Variants in KIAA0513 observed in about 807,000 individuals in gnomAD.
KIAA0513 encodes KIAA0513.
KIAA0513 carries 39 observed loss-of-function variants against 56.5 expected under a neutral mutation model. The observed-to-expected ratio is 0.69, with a 90% confidence interval of 0.53 to 0.90. The LOEUF is 0.90. Among genes scored for constraint, KIAA0513 ranks in the 40% least tolerant of loss-of-function variants. KIAA0513 has a pLI of 0.00. For synonymous variants in KIAA0513, 268 were observed against 215.6 expected (o/e 1.24, Z -2.13); for missense variants, 591 against 535.2 (o/e 1.10, Z -1.03).
rs1209592489 is a variant in KIAA0513 at position 85,088,862 on chromosome 16, G to A, written c.*537G>A. On this transcript the variant is annotated 3_prime_UTR_variant, in exon 13 of 13. Transcript: ENST00000683363. ...CCTCACTATTCCCCAGTCTCCCGCT[G>A]TGGGGCAGGAACAGGAAGTGACGGG... 1 of 153,790 alleles carries A rather than the reference G, an allele frequency of 6.5e-6. No homozygotes were observed. The highest frequency in any genetic ancestry group is 1.4e-5 in the Non-Finnish European group (1 of 69,060). The allele number at this position is 153,790 out of a possible 1,614,324, so 9.5% of individuals were successfully genotyped here.
intron 1 of KIAA0513, among the ~76,000 whole-genome samples, chr16:85,062,209 TA>T (rs1057197361): frequency 1.8e-4 from 24 of 131,676 alleles, no homozygotes; most frequent in African/African-American, 7.7e-4. Flanking sequence ...GGTACGTACG[TA>T]AACACACACA....
chr16:85,030,545 G>A (rs558919226), intron 1 of KIAA0513, among the ~76,000 whole-genome samples: 5 of 152,146 alleles, frequency 3.3e-5, no homozygotes, highest in Admixed American at 6.6e-5. Context: ...TCAGGAGTTC[G>A]AGACCAGCTT....
At chr16:85,071,653 A>G in intron 2 of KIAA0513, 130 bp from the exon 3 acceptor site, 1 of 705,028 alleles carries the variant, frequency 1.4e-6, no homozygotes, top group East Asian at 2.7e-5. Context: ...AGATGAGCTG[A>G]TGGGAGTTGG....
At chr16:85,037,103 C>T (rs757361434) in intron 1 of KIAA0513, among the ~76,000 whole-genome samples, 2 of 152,030 alleles carry the variant, frequency 1.3e-5, no homozygotes, top group Non-Finnish European at 2.9e-5. Flanking sequence ...TTTTTCTCTT[C>T]ATGACTAAGT....
At chr16:85,082,930 G>T (rs1295748642) in intron 10 of KIAA0513, among the ~76,000 whole-genome samples, 2 of 152,266 alleles carry the variant, frequency 1.3e-5, no homozygotes, top group African/African-American at 4.8e-5. Flanking sequence ...CTCCAGTTCT[G>T]AGCCAGCCGT....
At chr16:85,047,250 C>A (rs540475865) in intron 1 of KIAA0513, among the ~76,000 whole-genome samples, 2 of 152,334 alleles carry the variant, frequency 1.3e-5, no homozygotes, top group Admixed American at 1.3e-4. Flanking sequence ...ACCTTCAGTG[C>A]TCAGGGTCTG....
At chr16:85,059,698 C>G (rs1343904659) in intron 1 of KIAA0513, among the ~76,000 whole-genome samples, 1 of 152,218 alleles carries the variant, frequency 6.6e-6, no homozygotes, top group Non-Finnish European at 1.5e-5. Flanking sequence ...AAGGTATGAA[C>G]TGCTCTGATA....
rs1007789731 is a variant in KIAA0513 at position 85,067,084 on chromosome 16, G to C, written c.13G>C (p.Glu5Gln). Residue 5 changes from glutamate (E) to glutamine (Q), a missense_variant, in exon 2 of 13, where the codon GAG becomes CAG. By Grantham distance (29) the Glu-to-Gln change is conservative. Coordinates refer to ENST00000683363, the MANE Select transcript of KIAA0513 (RefSeq NM_001388359.1). ...GCTCCCCTGAGCCATGGAGACCCCA[G>C]AGGTCCCCGTGGGCTCGCTAATCGA... Reference protein sequence around the residue: METPEVPVGSLIDFG... With the variant: METPQVPVGSLIDFG... 6.3e-7 allele frequency: 1 copy of C among 1,580,930 alleles called. No individual in the cohort carries two copies. The highest frequency in any genetic ancestry group is 8.6e-7 in the Non-Finnish European group (1 of 1,161,202).
intron 2 of KIAA0513, among the ~76,000 whole-genome samples, chr16:85,070,003 A>G (rs2073548243): frequency 1.1e-5 from 1 of 87,764 alleles, no homozygotes. Flanking sequence ...CCTCTCTACA[A>G]AAAAAAAAAC....
intron 1 of KIAA0513, among the ~76,000 whole-genome samples, chr16:85,055,909 C>CT (rs776811045): frequency 1.1e-4 from 17 of 152,226 alleles, no homozygotes; most frequent in Non-Finnish European, 1.8e-4. Flanking sequence ...CACTCAAACT[C>CT]TAAGCTGGTG....
At position 85,071,877 on chromosome 16, in the gene KIAA0513, G is replaced by A. The variant is rs2073581474; in HGVS notation, c.424G>A (p.Ala142Thr). 1.9e-6 allele frequency: 3 copies of A among 1,604,144 alleles called. No homozygotes were observed. Among genetic ancestry groups the A allele is most frequent in the Non-Finnish European group, 2.6e-6 (3 of 1,171,754 alleles). ...GGAGTGGTTTGCTCGATACGTGAGT[G>A]CCCAGGTAAGGGCGAGGTGATGGGA... ...GREWFARYVS[A>T]QRCNSKCVSE... The change falls in exon 3 of 13, where the codon GCC becomes ACC. Residue 142 changes from alanine (A) to threonine (T), a missense_variant. Physicochemically the swap from Ala to Thr is moderately conservative, Grantham distance 58 (BLOSUM62 0). Coordinates refer to ENST00000683363, the MANE Select transcript of KIAA0513 (RefSeq NM_001388359.1).
At chr16:85,070,439 G>C (rs2073556068) in intron 2 of KIAA0513, among the ~76,000 whole-genome samples, 1 of 152,158 alleles carries the variant, frequency 6.6e-6, no homozygotes, top group African/African-American at 2.4e-5. Context: ...AGCACTTTGG[G>C]AGGCGAGGCA....
At chr16:85,066,638 G>A (rs1015614620) in intron 1 of KIAA0513, among the ~76,000 whole-genome samples, 20 of 152,170 alleles carry the variant, frequency 1.3e-4, no homozygotes, top group Non-Finnish European at 2.6e-4. Flanking sequence ...GGGCTGGAGC[G>A]GGGAGGAGGC....
At chr16:85,029,652 C>T (rs886207547) in intron 1 of KIAA0513, among the ~76,000 whole-genome samples, 4 of 152,166 alleles carry the variant, frequency 2.6e-5, no homozygotes, top group Non-Finnish European at 4.4e-5. Context: ...TCCCTCCTTT[C>T]TCTCATAAAG....
At chr16:85,074,443 A>C (rs1014972894) in intron 4 of KIAA0513, among the ~76,000 whole-genome samples, 1 of 152,058 alleles carries the variant, frequency 6.6e-6, no homozygotes, top group Non-Finnish European at 1.5e-5. Flanking sequence ...TCAGCCTCCC[A>C]AATTGCTAGG....
chr16:85,046,083 T>A (rs888614998), intron 1 of KIAA0513, among the ~76,000 whole-genome samples: 4 of 152,186 alleles, frequency 2.6e-5, no homozygotes, highest in African/African-American at 9.6e-5. Flanking sequence ...ATTCTGGCTT[T>A]GCACATTGAG....
chr16:85,040,698 C>T (rs1321517249), intron 1 of KIAA0513, among the ~76,000 whole-genome samples: 1 of 152,198 alleles, frequency 6.6e-6, no homozygotes, highest in African/African-American at 2.4e-5. Context: ...CCTCCCCAAG[C>T]TATCATTGCT....
intron 2 of KIAA0513, among the ~76,000 whole-genome samples, chr16:85,068,798 G>T (rs2073528693): frequency 6.6e-6 from 1 of 152,158 alleles, no homozygotes; most frequent in Non-Finnish European, 1.5e-5. Context: ...GCTTTGGAGG[G>T]ACTGTCTCTT....
rs2073857276 is a variant in KIAA0513 at position 85,090,539 on chromosome 16, T to C, written c.*2214T>C. ...TTTCCAAGCACTTTAACTTCAGAAA[T>C]GGTCTTGACACTTTTTTCTCCACAT... On this transcript the variant is annotated 3_prime_UTR_variant, in exon 13 of 13. Transcript: ENST00000683363. 1 of 152,224 alleles carries C rather than the reference T, an allele frequency of 6.6e-6. No individual in the cohort carries two copies. Among genetic ancestry groups the C allele is most frequent in the Non-Finnish European group, 1.5e-5 (1 of 68,034 alleles). The allele number at this position is 152,224 out of a possible 1,614,324, so 9.4% of individuals were successfully genotyped here.
Sources: gnomAD v4.1 joint callset for allele counts (sites outside exome capture counted in the v4.1 genomes callset) on GRCh38, gnomAD v4.1.1 for gene constraint, MANE v1.5 for transcripts, NCBI Gene and HGNC (gene_info 2026-07-23, HGNC 2026-07-21) for gene names.